DAB1: variants seen among roughly 807,000 people sequenced by gnomAD.
The protein encoded by DAB1 is DAB adaptor protein 1, also known as disabled homolog 1.
DAB1 carries 15 observed loss-of-function variants against 64.6 expected under a neutral mutation model. The ratio of observed to expected loss-of-function variants is 0.23; its 90% confidence interval spans 0.16 to 0.36. The LOEUF (loss-of-function observed/expected upper bound fraction) is 0.36, where lower values mean the gene tolerates loss of function less well. Ranked by LOEUF, DAB1 falls within the 10% of genes least tolerant of loss-of-function variation. The pLI, the probability that DAB1 is intolerant of heterozygous loss-of-function variation, is 1.00. For missense variants in DAB1, 596 were observed against 706.7 expected (o/e 0.84, Z 1.78); for synonymous variants, 235 against 251.9 (o/e 0.93, Z 0.64).
intron 4 of DAB1, among the ~76,000 whole-genome samples, chr1:57,114,228 G>A (rs1035927874): frequency 6.6e-6 from 1 of 150,604 alleles, no homozygotes; most frequent in Non-Finnish European, 1.5e-5. Context: ...AGATATACGA[G>A]AAAATGGAAC....
chr1:57,231,751 C>CT (rs1463186794), intron 2 of DAB1, among the ~76,000 whole-genome samples: 2 of 152,040 alleles, frequency 1.3e-5, no homozygotes, highest in Admixed American at 6.6e-5. Flanking sequence ...ATTCTAAAAC[C>CT]TTTTTTCTCT....
At chr1:58,240,287 G>A (rs142499374) in intron 4 of DAB1, among the ~76,000 whole-genome samples, 8 of 152,292 alleles carry the variant, frequency 5.3e-5, no homozygotes, top group African/African-American at 1.7e-4. Context: ...AAAATTACAG[G>A]TGCAACTTCT....
chr1:58,024,632 T>C lies in DAB1; in HGVS notation n.387+125879A>G, dbSNP rs561844310. 2.0e-5 allele frequency among the ~76,000 whole-genome samples: 3 copies of C among 152,322 alleles called. No homozygotes were observed. In the East Asian group the frequency reaches 5.8e-4, roughly 29 times the overall value. ...TAATGAAGTCCTGGTTATCTTGTGA[T>C]GGTTAATTTTATGTGTCAACTTGGC... On this transcript the variant is annotated intron_variant and non_coding_transcript_variant, in intron 5 of 20. Transcript: ENST00000485760.
intron 2 of DAB1, among the ~76,000 whole-genome samples, chr1:57,187,233 C>T (rs113297050): frequency 0.01 from 1,555 of 152,200 alleles, 30 homozygotes; most frequent in African/African-American, 0.035. Flanking sequence ...AGCTCGGATC[C>T]AAATCTGTAA....
chr1:57,576,175 T>G (rs1349436588), intron 7 of DAB1, among the ~76,000 whole-genome samples: 1 of 152,212 alleles, frequency 6.6e-6, no homozygotes, highest in African/African-American at 2.4e-5. Flanking sequence ...AGTTTCATTA[T>G]TATAAACTAG....
intron 4 of DAB1, among the ~76,000 whole-genome samples, chr1:58,213,860 C>T (rs1658697683): frequency 6.6e-6 from 1 of 152,164 alleles, no homozygotes; most frequent in Non-Finnish European, 1.5e-5. Context: ...GTTTCCCATG[C>T]CTGCCCACTG....
chr1:58,315,533 T>C (rs1004752099), intron 4 of DAB1, among the ~76,000 whole-genome samples: 1 of 152,204 alleles, frequency 6.6e-6, no homozygotes, highest in Non-Finnish European at 1.5e-5. Flanking sequence ...GGAATATAGC[T>C]GATTCTTGGA....
intron 5 of DAB1, among the ~76,000 whole-genome samples, chr1:57,996,870 CTT>C (rs1024233238): frequency 2.0e-5 from 3 of 152,110 alleles, no homozygotes; most frequent in African/African-American, 7.2e-5. Context: ...CCAGGCCACT[CTT>C]AGCATTTGGG....
intron 5 of DAB1, among the ~76,000 whole-genome samples, chr1:57,902,098 C>A (rs1202840): frequency 0.18 from 26,719 of 149,234 alleles, 2,751 homozygotes; most frequent in Admixed American, 0.28. Context: ...TGGAGGTTGC[C>A]GTGAGCCAAG....
At chr1:57,011,435 A>G (rs1197383561) in intron 12 of DAB1, among the ~76,000 whole-genome samples, 163 bp from the exon 13 acceptor site, 1 of 152,180 alleles carries the variant, frequency 6.6e-6, no homozygotes, top group Non-Finnish European at 1.5e-5. Flanking sequence ...CTCTGTACGT[A>G]TTGATCTTTC....
chr1:58,405,565 G>A (rs1474772602), intron 3 of DAB1, among the ~76,000 whole-genome samples: 1 of 152,036 alleles, frequency 6.6e-6, no homozygotes, highest in Admixed American at 6.5e-5. Context: ...TTGCCACATT[G>A]CCCAGGCTGG....
chr1:58,040,228 A>C (rs1192166313), intron 5 of DAB1, among the ~76,000 whole-genome samples: 1 of 152,232 alleles, frequency 6.6e-6, no homozygotes, highest in African/African-American at 2.4e-5. Context: ...TCAGGAAAGC[A>C]AAAGTTAAAT....
At chr1:57,146,703 G>C (rs530482892) in intron 2 of DAB1, among the ~76,000 whole-genome samples, 2 of 152,054 alleles carry the variant, frequency 1.3e-5, no homozygotes, top group South Asian at 4.1e-4. Flanking sequence ...CCTCTGTACC[G>C]GTGCTATTAT....
intron 6 of DAB1, among the ~76,000 whole-genome samples, chr1:57,690,368 G>T (rs1218947149): frequency 6.6e-6 from 1 of 152,136 alleles, no homozygotes; most frequent in African/African-American, 2.4e-5. Context: ...TCACGGGGCA[G>T]ATTTCCCTCT....
chr1:57,911,187 C>T (rs533246594), intron 5 of DAB1, among the ~76,000 whole-genome samples: 1 of 152,264 alleles, frequency 6.6e-6, no homozygotes, highest in South Asian at 2.1e-4. Flanking sequence ...AGGTCTAATG[C>T]CCCCAGGTGC....
chr1:58,252,872 C>T (rs541920393), intron 4 of DAB1, among the ~76,000 whole-genome samples: 113 of 152,266 alleles, frequency 7.4e-4, no homozygotes, highest in African/African-American at 2.6e-3. Flanking sequence ...AACTGTAGAT[C>T]GCCAAGACAG....
chr1:57,222,967 C>T (rs1011109094), intron 2 of DAB1, among the ~76,000 whole-genome samples: 2 of 152,176 alleles, frequency 1.3e-5, no homozygotes, highest in African/African-American at 4.8e-5. Context: ...CACCACATCA[C>T]ACGCCTCCTG....
At chr1:57,079,661 C>T (rs1194425126) in intron 4 of DAB1, among the ~76,000 whole-genome samples, 2 of 152,204 alleles carry the variant, frequency 1.3e-5, no homozygotes, top group Non-Finnish European at 2.9e-5. Flanking sequence ...CATGCTGACT[C>T]ACTACAGGCC....
chr1:57,963,891 A>T (rs1203577793), intron 5 of DAB1, among the ~76,000 whole-genome samples: 1 of 152,196 alleles, frequency 6.6e-6, no homozygotes, highest in East Asian at 1.9e-4. Context: ...AACAAGTCAC[A>T]TATTCTCCCT....
Sources: allele counts gnomAD v4.1 joint callset (sites outside exome capture counted in the v4.1 genomes callset), GRCh38; gene constraint gnomAD v4.1.1; transcripts MANE v1.5; gene names NCBI Gene and HGNC (gene_info 2026-07-23, HGNC 2026-07-21).